The following SNX13 variants were observed in gnomAD, a reference collection of about 807,000 sequenced individuals.
SNX13 encodes sorting nexin-13.
SNX13 carries 45 observed loss-of-function variants against 133.6 expected under a neutral mutation model. The observed-to-expected ratio is 0.34, with a 90% CI of 0.27 to 0.43. SNX13 has a LOEUF of 0.43. Ranked by LOEUF, SNX13 falls within the 20% of genes least tolerant of loss-of-function variation. The pLI, the probability that SNX13 is intolerant of heterozygous loss-of-function variation, is 1.00. For missense variants in SNX13, 1,032 were observed against 1,145.1 expected (o/e 0.90, Z 1.43); for synonymous variants, 414 against 373.9 (o/e 1.11, Z -1.24).
chr7:17,794,067 G>C lies in SNX13; in HGVS notation c.2852C>G (p.Ala951Gly). ...GTGTCACCTTTTCTGCAAAGAAGGC[G>C]CTTGAGTAGTTTGAAGTTTCTGTTT... is the stretch of plus-strand genomic sequence containing the variant. ...KYKQKLQTTQ[A>G]PSLQKR The change falls in exon 26 of 26, where the codon GCG (alanine) becomes GGG (glycine). Residue 951 changes from alanine to glycine, a missense_variant. Coordinates refer to ENST00000428135, the MANE Select transcript of SNX13 (RefSeq NM_015132.5). The C allele has an allele frequency of 6.2e-7, 1 of 1,611,302 alleles. No individual in the cohort carries two copies. Among genetic ancestry groups the C allele is most frequent in the Non-Finnish European group, 8.5e-7 (1 of 1,178,142 alleles).
At chr7:17,897,577 T>A (rs1797343054) in intron 1 of SNX13, 131 bp from the exon 2 acceptor site, 1 of 510,862 alleles carries the variant, frequency 2.0e-6, no homozygotes. Flanking sequence ...CAGTAACTTT[T>A]GAAAATGTGA....
chr7:17,935,751 C>G (rs950246308), intron 1 of SNX13, among the ~76,000 whole-genome samples: 1 of 152,110 alleles, frequency 6.6e-6, no homozygotes, highest in Admixed American at 6.5e-5. Context: ...CCTTCCACTC[C>G]CGTTATAAAA....
chr7:17,890,059 G>A (rs1796463714), intron 5 of SNX13: 2 of 201,926 alleles, frequency 9.9e-6, no homozygotes, highest in East Asian at 1.2e-4. Flanking sequence ...GGGGAGGGGG[G>A]AAGTAGCAAT....
chr7:17,867,331 G>C (rs946084527), intron 9 of SNX13, among the ~76,000 whole-genome samples: 1 of 152,126 alleles, frequency 6.6e-6, no homozygotes, highest in African/African-American at 2.4e-5. Context: ...CAGCAGCCAG[G>C]CACAATGGCT....
chr7:17,881,691 C>T (rs1214187306), intron 5 of SNX13: 2 of 152,112 alleles, frequency 1.3e-5, no homozygotes, highest in Non-Finnish European at 2.9e-5. Flanking sequence ...GAATCAGATA[C>T]TAAGTCCCCC....
chr7:17,798,607 A>T (rs752267525), intron 24 of SNX13, 83 bp downstream of exon 24: 16 of 1,060,738 alleles, frequency 1.5e-5, no homozygotes, highest in Non-Finnish European at 2.2e-5. Flanking sequence ...CCAGGAAGGA[A>T]ACAAAAGCAA....
At chr7:17,901,811 T>C (rs1192297311) in intron 1 of SNX13, among the ~76,000 whole-genome samples, 1 of 152,192 alleles carries the variant, frequency 6.6e-6, no homozygotes, top group Non-Finnish European at 1.5e-5. Context: ...GAAGGTGCTT[T>C]ATATGTGGAT....
chr7:17,926,761 C>T lies in SNX13; in HGVS notation c.12+13523G>A, dbSNP rs149928923. On this transcript the variant is annotated intron_variant, in intron 1 of 25. Transcript: ENST00000428135. ...ATCAGCTGGGCATGGTGGCACGTGCCTGTAGTCCCAGCTACTTGGGGGGCT... is the reference window on the plus strand; with the variant it reads ...ATCAGCTGGGCATGGTGGCACGTGCTTGTAGTCCCAGCTACTTGGGGGGCT... Among the ~76,000 whole-genome samples, 217 of 152,240 alleles carry T rather than the reference C, an allele frequency of 1.4e-3. 2 individuals carry two copies. In the East Asian group the frequency reaches 0.035, roughly 24 times the overall value.
chr7:17,869,797 C>A (rs1311385676), intron 8 of SNX13, among the ~76,000 whole-genome samples: 1 of 151,710 alleles, frequency 6.6e-6, no homozygotes, highest in African/African-American at 2.4e-5. Flanking sequence ...TATGTAATTC[C>A]TTCCTTCAAA....
chr7:17,857,241 T>C (rs186671264), intron 9 of SNX13, among the ~76,000 whole-genome samples: 1 of 152,278 alleles, frequency 6.6e-6, no homozygotes, highest in East Asian at 1.9e-4. Context: ...GAGGCAGTAG[T>C]AAAAGTATCC....
chr7:17,892,153 T>TA (rs57052159), intron 3 of SNX13, among the ~76,000 whole-genome samples: 3,306 of 152,006 alleles, frequency 0.022, 132 homozygotes, highest in African/African-American at 0.074. Flanking sequence ...GGGAGATTCT[T>TA]AAAAAAACAA....
chr7:17,864,047 G>T (rs2723541), intron 9 of SNX13, among the ~76,000 whole-genome samples: 43,845 of 152,024 alleles, frequency 0.29, 6,822 homozygotes, highest in East Asian at 0.54. Flanking sequence ...TTCATGAAAA[G>T]CCTTCTCAAC....
At chr7:17,876,398 T>C (rs1212085803) in intron 5 of SNX13, among the ~76,000 whole-genome samples, 1 of 152,118 alleles carries the variant, frequency 6.6e-6, no homozygotes, top group Non-Finnish European at 1.5e-5. Context: ...CTAGTCGACA[T>C]GGTGAAACTG....
intron 22 of SNX13, among the ~76,000 whole-genome samples, chr7:17,799,875 A>G (rs1022502298): frequency 1.3e-5 from 2 of 151,968 alleles, no homozygotes; most frequent in African/African-American, 2.4e-5. Flanking sequence ...TATAATTGTT[A>G]GTAATTTTAT....
At chr7:17,898,416 G>A (rs1342083466) in intron 1 of SNX13, 1 of 152,186 alleles carries the variant, frequency 6.6e-6, no homozygotes, top group East Asian at 1.9e-4. Context: ...AGTAAGTGCT[G>A]TGGATTATGA....
chr7:17,915,923 C>A (rs1799512722), intron 1 of SNX13, among the ~76,000 whole-genome samples: 1 of 152,118 alleles, frequency 6.6e-6, no homozygotes, highest in Non-Finnish European at 1.5e-5. Context: ...CAAGTTTCAA[C>A]AAATTCAAAA....
chr7:17,921,568 T>C (rs1189449443), intron 1 of SNX13, among the ~76,000 whole-genome samples: 1 of 152,200 alleles, frequency 6.6e-6, no homozygotes, highest in East Asian at 1.9e-4. Context: ...CTTCAGAATG[T>C]AGGGTCACGA....
At chr7:17,809,350 C>A (rs1010559211) in intron 20 of SNX13, among the ~76,000 whole-genome samples, 2 of 136,920 alleles carry the variant, frequency 1.5e-5, no homozygotes, top group Admixed American at 7.3e-5. Context: ...AGACTTTAAA[C>A]CAACAAAGAC....
At chr7:17,827,819 G>C (rs1032119068) in intron 16 of SNX13, among the ~76,000 whole-genome samples, 1 of 151,732 alleles carries the variant, frequency 6.6e-6, no homozygotes, top group Non-Finnish European at 1.5e-5. Context: ...AAATCATTTT[G>C]ATAGAAATAG....
Sources: gnomAD v4.1 joint callset for allele counts (sites outside exome capture counted in the v4.1 genomes callset) on GRCh38, gnomAD v4.1.1 for gene constraint, MANE v1.5 for transcripts, NCBI Gene and HGNC (gene_info 2026-07-23, HGNC 2026-07-21) for gene names.